Variants in DNAH3 observed in about 807,000 individuals in gnomAD.
The protein encoded by DNAH3 is dynein axonemal heavy chain 3.
Under a neutral mutation model 432.5 loss-of-function variants are expected in DNAH3, and 332 were observed. That is an observed-to-expected ratio of 0.77 (90% CI 0.70 to 0.84). The LOEUF is 0.84. DNAH3 is among the 40% of genes least tolerant of loss of function. The pLI, the probability that DNAH3 is intolerant of heterozygous loss-of-function variation, is 0.00. For missense variants in DNAH3, 4,861 were observed against 5,114.0 expected (o/e 0.95, Z 1.51); for synonymous variants, 1,956 against 1,900.2 (o/e 1.03, Z -0.76).
chr16:20,968,656 CTT>C (rs1161916585), intron 52 of DNAH3, among the ~76,000 whole-genome samples: 4 of 150,782 alleles, frequency 2.7e-5, no homozygotes, highest in Admixed American at 2.0e-4. Flanking sequence ...TCCTCTTTCT[CTT>C]TCTTTGTTCA....
At chr16:21,069,323 C>T in intron 23 of DNAH3, 92 bp downstream of exon 23, 1 of 1,128,742 alleles carries the variant, frequency 8.9e-7, no homozygotes, top group Non-Finnish European at 1.3e-6. Flanking sequence ...AACTCTAGTT[C>T]ATTTACAAGT....
intron 14 of DNAH3, among the ~76,000 whole-genome samples, chr16:21,107,263 GAC>G: frequency 1.2e-5 from 1 of 80,902 alleles, no homozygotes; most frequent in East Asian, 3.7e-4. Context: ...TTTTTTTTGA[GAC>G]AGAGTCTTGC....
chr16:20,995,309 C>T (rs2086716760), intron 44 of DNAH3, among the ~76,000 whole-genome samples: 1 of 152,094 alleles, frequency 6.6e-6, no homozygotes, highest in Non-Finnish European at 1.5e-5. Context: ...TCTTGGCTCA[C>T]TGCAACCTCT....
chr16:21,070,029 AC>A (rs553774836), intron 22 of DNAH3, among the ~76,000 whole-genome samples: 178 of 152,266 alleles, frequency 1.2e-3, no homozygotes, highest in Non-Finnish European at 2.0e-3. Context: ...CAGAATTTGA[AC>A]CCAGGTAATC....
rs1317097128 is a variant in DNAH3, at chr16:21,060,514, CTTTTTTTTTTTCT to C, written c.3721-171_3721-159del. 2.9e-3 allele frequency among the ~76,000 whole-genome samples: 368 copies of C among 127,288 alleles called. 2 individuals carry two copies. Among genetic ancestry groups the C allele is most frequent in the South Asian group, 0.012 (44 of 3,824 alleles). 83.5% of individuals were successfully genotyped at this position (127,288 alleles called of 152,430 possible). Reference sequence around the variant, plus strand: ...TTCTCTGTCTCCCCGTTCTTTTTTTCTTTTTTTTTTTCTTTTTTTTTTTTTTTTTGATACAGAG... The same window carrying C: ...TTCTCTGTCTCCCCGTTCTTTTTTTCTTTTTTTTTTTTTTTTGATACAGAG... On this transcript the variant is annotated intron_variant, in intron 25 of 61. Transcript: ENST00000261383.
intron 55 of DNAH3, among the ~76,000 whole-genome samples, chr16:20,953,308 G>A (rs1418991748): frequency 1.3e-5 from 2 of 151,908 alleles, no homozygotes; most frequent in Non-Finnish European, 2.9e-5. Flanking sequence ...ACAGGCACGT[G>A]CCACCACGCC....
rs551179539 is a variant in DNAH3, at chr16:21,131,837, A to T, written c.1082+2422T>A. 2.0e-5 allele frequency among the ~76,000 whole-genome samples: 3 copies of T among 147,166 alleles called. No homozygotes were observed. The East Asian group carries it at 6.1e-4, about 30-fold the overall frequency. ...CCATTGCACTCCAGCCTGGGCAACAAGAGTGAAACTCCATCTCAAAAAAAA... is the reference window on the plus strand; with the variant it reads ...CCATTGCACTCCAGCCTGGGCAACATGAGTGAAACTCCATCTCAAAAAAAA... On this transcript the variant is annotated intron_variant, in intron 7 of 61. Coordinates refer to ENST00000261383, the Ensembl canonical transcript of DNAH3.
intron 61 of DNAH3, among the ~76,000 whole-genome samples, chr16:20,934,158 C>G (rs2083505528): frequency 6.6e-6 from 1 of 152,096 alleles, no homozygotes; most frequent in Non-Finnish European, 1.5e-5. Context: ...AGCACAAACT[C>G]CATTTAAAAT....
chr16:21,098,602 T>C lies in DNAH3; in HGVS notation c.2520+14A>G. The C allele has an allele frequency of 6.2e-7, 1 of 1,606,066 alleles. No individual in the cohort carries two copies. On this transcript the variant is annotated intron_variant, in intron 17 of 61. Coordinates refer to ENST00000261383, the Ensembl canonical transcript of DNAH3. ...CAGTACAGTGTCATAAGTCCCCATCTCAAGATCCCAAACCTCAAACTCTGC... is the reference window on the plus strand; with the variant it reads ...CAGTACAGTGTCATAAGTCCCCATCCCAAGATCCCAAACCTCAAACTCTGC...
intron 7 of DNAH3, among the ~76,000 whole-genome samples, chr16:21,128,420 C>T (rs1394770650): frequency 1.3e-5 from 2 of 151,842 alleles, no homozygotes; most frequent in African/African-American, 2.4e-5. Flanking sequence ...AAAGGCCGGG[C>T]GCGGTGGCTC....
At chr16:20,966,097 G>A (rs566041287) in intron 52 of DNAH3, among the ~76,000 whole-genome samples, 33 of 125,748 alleles carry the variant, frequency 2.6e-4, no homozygotes, top group Non-Finnish European at 4.4e-4. Context: ...GAGTGCAATG[G>A]TGCGACCTTG....
At chr16:21,015,514 G>C (rs1165878157) in intron 41 of DNAH3, among the ~76,000 whole-genome samples, 1 of 152,114 alleles carries the variant, frequency 6.6e-6, no homozygotes, top group Non-Finnish European at 1.5e-5. Context: ...AAACCCATAG[G>C]ACATACAACA....
At chr16:21,026,092 A>C (rs1251799540) in intron 38 of DNAH3, among the ~76,000 whole-genome samples, 1 of 152,052 alleles carries the variant, frequency 6.6e-6, no homozygotes, top group Non-Finnish European at 1.5e-5. Flanking sequence ...TGTTACTGTG[A>C]GTTCTGCCAC....
intron 40 of DNAH3, among the ~76,000 whole-genome samples, chr16:21,020,760 CATT>C (rs2088171300): frequency 6.6e-6 from 1 of 151,960 alleles, no homozygotes; most frequent in Non-Finnish European, 1.5e-5. Context: ...ACCATCTAAC[CATT>C]TTTTAGTGTA....
chr16:21,144,779 T>C (rs2092760735), intron 3 of DNAH3, among the ~76,000 whole-genome samples: 1 of 152,064 alleles, frequency 6.6e-6, no homozygotes, highest in African/African-American at 2.4e-5. Context: ...GTCTCCAAAG[T>C]TAGCTTCAGC....
At chr16:21,157,705 G>T (rs575801211) in intron 1 of DNAH3, among the ~76,000 whole-genome samples, 1 of 152,252 alleles carries the variant, frequency 6.6e-6, no homozygotes, top group South Asian at 2.1e-4. Context: ...GTCAACACAG[G>T]TCCCTGTCTG....
At chr16:20,982,067 A>G (rs979914209) in intron 49 of DNAH3, among the ~76,000 whole-genome samples, 2 of 150,240 alleles carry the variant, frequency 1.3e-5, no homozygotes, top group Admixed American at 6.7e-5. Flanking sequence ...TTATACATAA[A>G]AGAGTAAATT....
exon 48 of DNAH3, chr16:20,985,643 A>C (rs756094866): frequency 6.2e-7 from 1 of 1,614,216 alleles, no homozygotes; most frequent in South Asian, 1.1e-5. Flanking sequence ...TCTGGCTTGA[A>C]ATAATCTCCA....
chr16:21,018,893 T>G (rs1370655035), intron 41 of DNAH3, among the ~76,000 whole-genome samples: 1 of 137,904 alleles, frequency 7.3e-6, no homozygotes, highest in Non-Finnish European at 1.6e-5. Flanking sequence ...ACACTCTATC[T>G]CAAAAAAAAA....
Sources: allele counts gnomAD v4.1 joint callset (sites outside exome capture counted in the v4.1 genomes callset), GRCh38; gene constraint gnomAD v4.1.1; transcripts MANE v1.5; gene names NCBI Gene and HGNC (gene_info 2026-07-23, HGNC 2026-07-21).